The following NINL variants were observed in gnomAD, a reference collection of about 807,000 sequenced individuals.
The protein encoded by NINL is ninein-like protein.
Under a neutral mutation model 160.3 loss-of-function variants are expected in NINL, and 153 were observed. The ratio of observed to expected loss-of-function variants is 0.95; its 90% confidence interval spans 0.84 to 1.09. The LOEUF (loss-of-function observed/expected upper bound fraction) is 1.09. Ranked by LOEUF, NINL falls within the 50% of genes least tolerant of loss-of-function variation. NINL has a pLI of 0.00. For missense variants in NINL, 1,829 were observed against 1,764.0 expected (o/e 1.04, Z -0.66); for synonymous variants, 800 against 734.8 (o/e 1.09, Z -1.43).
rs527899709 is a variant in NINL at position 25,519,485 on chromosome 20, T to C, written c.181-1636A>G. Among the ~76,000 whole-genome samples the C allele has an allele frequency of 2.6e-5, 4 of 152,354 alleles. No homozygotes were observed. In the East Asian group the frequency reaches 5.8e-4, roughly 22 times the overall value. On this transcript the variant is annotated intron_variant, in intron 2 of 23. Coordinates refer to ENST00000278886, the MANE Select transcript of NINL (RefSeq NM_025176.6). ...TTTTCTTGAATATGCCAGTGCCAAA[T>C]ATTTTGTCTAACATGTTTTTATTTT...
intron 5 of NINL, among the ~76,000 whole-genome samples, chr20:25,509,938 C>A (rs2064037155): frequency 6.6e-6 from 1 of 152,182 alleles, no homozygotes; most frequent in Non-Finnish European, 1.5e-5. Flanking sequence ...AGTTTTTTTG[C>A]CTAGCTTTCT....
At chr20:25,484,640 G>C (rs1389434094) in intron 13 of NINL, among the ~76,000 whole-genome samples, 1 of 152,212 alleles carries the variant, frequency 6.6e-6, no homozygotes, top group Non-Finnish European at 1.5e-5. Flanking sequence ...CCAGTGATTG[G>C]TACATGTATG....
Position 25,478,995 on chromosome 20 carries a change from C to A in NINL, c.2129G>T (p.Gly710Val), listed in dbSNP as rs1264378194. 2 of 1,606,156 alleles carry A rather than the reference C, an allele frequency of 1.2e-6. No homozygotes were observed. The highest frequency in any genetic ancestry group is 1.3e-5 in the African/African-American group (1 of 74,922). ...TGCCTGGGTGCAGCAGGGTGCCAGGCCCATCTGCTCAGGCTCGGGGCCGCG... is the reference window on the plus strand; with the variant it reads ...TGCCTGGGTGCAGCAGGGTGCCAGGACCATCTGCTCAGGCTCGGGGCCGCG... Reference protein sequence around the residue: ...TARGPEPEQMGLAPCCTQALC... With the variant: ...TARGPEPEQMVLAPCCTQALC... The change falls in exon 16 of 24, where the codon GGC becomes GTC. Residue 710 changes from glycine (G) to valine (V), a missense_variant. By Grantham distance (109) the Gly-to-Val change is moderately radical (BLOSUM62 -3). Transcript: ENST00000278886.
In NINL at chr20:25,510,698, G is replaced by C; in HGVS notation, c.493C>G (p.Gln165Glu). 1 of 1,613,978 alleles carries C rather than the reference G, an allele frequency of 6.2e-7. No individual in the cohort carries two copies. The highest frequency in any genetic ancestry group is 8.5e-7 in the Non-Finnish European group (1 of 1,180,002). The change falls in exon 5 of 24, where the codon CAG (glutamine) becomes GAG (glutamate). Residue 165 changes from glutamine to glutamate, a missense_variant. By Grantham distance (29) the Gln-to-Glu change is conservative. Transcript: ENST00000278886. ...CCTTGTGCTTCAAATAATTCATTCT[G>C]AGCTTCTTTAGTGCTCTCGGCCTCT... Reference protein sequence around the residue: ...DEEAESTKEAQNELFEAQGQL... With the variant: ...DEEAESTKEAENELFEAQGQL...
chr20:25,465,501 T>G (rs1459193869), intron 19 of NINL, among the ~76,000 whole-genome samples: 2 of 151,924 alleles, frequency 1.3e-5, no homozygotes, highest in East Asian at 3.9e-4. Context: ...GAACACTAGC[T>G]CCCTGACACC....
rs772914082 is a variant in NINL, at chr20:25,498,169, A to T, written c.1169+41T>A. The T allele has an allele frequency of 2.5e-6, 4 of 1,607,250 alleles. No homozygotes were observed. In the Admixed American group the frequency reaches 6.7e-5, roughly 27 times the overall value. On this transcript the variant is annotated intron_variant, in intron 9 of 23. Coordinates refer to ENST00000278886, the MANE Select transcript of NINL (RefSeq NM_025176.6). ...GACCCCCCTCCAGGCCCACCTGGCCAGCCACACTGCCACGTTCCCCAGTCC... is the reference window on the plus strand; with the variant it reads ...GACCCCCCTCCAGGCCCACCTGGCCTGCCACACTGCCACGTTCCCCAGTCC...
chr20:25,477,850 C>T (rs897152963), intron 16 of NINL, among the ~76,000 whole-genome samples: 3 of 152,114 alleles, frequency 2.0e-5, no homozygotes, highest in African/African-American at 7.2e-5. Flanking sequence ...GGACTCTGAC[C>T]CAATCTCTTA....
intron 1 of NINL, among the ~76,000 whole-genome samples, chr20:25,529,536 C>A (rs1286067964): frequency 1.3e-5 from 2 of 152,130 alleles, no homozygotes; most frequent in Admixed American, 6.5e-5. Context: ...TCAGACAGGG[C>A]GAAGACGAGT....
intron 1 of NINL, among the ~76,000 whole-genome samples, chr20:25,567,214 C>T (rs1180805420): frequency 6.6e-6 from 1 of 152,114 alleles, no homozygotes; most frequent in Non-Finnish European, 1.5e-5. Context: ...AGAAACTTCA[C>T]AAACTGAAAA....
At chr20:25,492,000 A>G (rs1377826553) in intron 10 of NINL, among the ~76,000 whole-genome samples, 1 of 152,230 alleles carries the variant, frequency 6.6e-6, no homozygotes, top group Non-Finnish European at 1.5e-5. Flanking sequence ...TGCTACATTC[A>G]TCTTTTACAA....
chr20:25,558,230 T>C (rs1001690223), intron 1 of NINL, among the ~76,000 whole-genome samples: 1 of 152,216 alleles, frequency 6.6e-6, no homozygotes, highest in African/African-American at 2.4e-5. Context: ...TATTTTGAGA[T>C]GGAGTCTTGC....
At chr20:25,458,264 T>A (rs1341254828) in intron 22 of NINL, 119 bp downstream of exon 22, 7 of 1,307,830 alleles carry the variant, frequency 5.4e-6, no homozygotes, top group Middle Eastern at 2.7e-4. Flanking sequence ...CCATCTGACA[T>A]GCTACATACG....
chr20:25,455,957 G>T (rs139853422), intron 22 of NINL, among the ~76,000 whole-genome samples, 171 bp from the exon 23 acceptor site: 1 of 152,090 alleles, frequency 6.6e-6, no homozygotes, highest in African/African-American at 2.4e-5. Flanking sequence ...TTAGCCGTGT[G>T]TGGTGGTGCG....
intron 8 of NINL, chr20:25,498,873 G>C: frequency 1.0e-6 from 1 of 981,952 alleles, no homozygotes; most frequent in South Asian, 4.7e-5. Context: ...GAAATGTGAA[G>C]AATACACTAA....
intron 1 of NINL, among the ~76,000 whole-genome samples, chr20:25,546,620 A>C (rs558444142): frequency 6.6e-6 from 1 of 152,216 alleles, no homozygotes; most frequent in East Asian, 1.9e-4. Flanking sequence ...TTCCCTTAAT[A>C]AAGAGCTCCT....
At chr20:25,505,404 T>C (rs2063944373) in intron 5 of NINL, among the ~76,000 whole-genome samples, 1 of 152,004 alleles carries the variant, frequency 6.6e-6, no homozygotes, top group Admixed American at 6.5e-5. Context: ...GCACGGTGAC[T>C]ACAGTTAATA....
intron 5 of NINL, among the ~76,000 whole-genome samples, chr20:25,508,676 G>A (rs1010930896): frequency 6.6e-6 from 1 of 152,214 alleles, no homozygotes; most frequent in Non-Finnish European, 1.5e-5. Flanking sequence ...GCTGGGGGGC[G>A]CTGGCAGCCT....
intron 1 of NINL, among the ~76,000 whole-genome samples, chr20:25,544,982 C>T (rs950544378): frequency 1.3e-5 from 2 of 152,190 alleles, no homozygotes; most frequent in Non-Finnish European, 2.9e-5. Context: ...GTAAGTATGA[C>T]AAGTGAGATG....
At position 25,458,395 on chromosome 20, in the gene NINL, C is replaced by T. The variant is rs760977547; in HGVS notation, c.3831G>A (p.Leu1277=). The T allele has an allele frequency of 1.2e-6, 2 of 1,606,630 alleles. No individual in the cohort carries two copies. Among genetic ancestry groups the T allele is most frequent in the Admixed American group, 3.3e-5 (2 of 60,026 alleles). ...CATCCCCACTTACCCGCTGTGCATCCAGGCGCCTCCTGGCCTGCTCTCCCT... is the reference window on the plus strand; with the variant it reads ...CATCCCCACTTACCCGCTGTGCATCTAGGCGCCTCCTGGCCTGCTCTCCCT... ...SLQGEQARRR[L]DAQREEHEKQ... The change falls in exon 22 of 24, where the codon CTG becomes CTA. Residue 1277 remains leucine (L), a synonymous_variant. Coordinates refer to ENST00000278886, the MANE Select transcript of NINL (RefSeq NM_025176.6).
Sources: gnomAD v4.1 joint callset for allele counts (sites outside exome capture counted in the v4.1 genomes callset) on GRCh38, gnomAD v4.1.1 for gene constraint, MANE v1.5 for transcripts, NCBI Gene and HGNC (gene_info 2026-07-23, HGNC 2026-07-21) for gene names.